The following URB1 variants were observed in gnomAD, a reference collection of about 807,000 sequenced individuals.
URB1 encodes the protein URB1 ribosome biogenesis factor, also known as nucleolar pre-ribosomal-associated protein 1.
URB1 carries 197 observed loss-of-function variants against 242.3 expected under a neutral mutation model. The ratio of observed to expected loss-of-function variants is 0.81; its 90% confidence interval spans 0.72 to 0.91. URB1 has a LOEUF of 0.91. Ranked by LOEUF, URB1 falls within the 40% of genes least tolerant of loss-of-function variation. The pLI, the probability that URB1 is intolerant of heterozygous loss-of-function variation, is 0.00. For synonymous variants in URB1, 1,153 were observed against 1,201.8 expected, an observed-to-expected ratio of 0.96 and a Z score of 0.84; for missense variants, 2,721 against 2,860.5, an observed-to-expected ratio of 0.95 and a Z score of 1.11.
intron 1 of URB1, among the ~76,000 whole-genome samples, chr21:32,387,296 C>T (rs2033593620): frequency 1.3e-5 from 2 of 152,170 alleles, no homozygotes; most frequent in Non-Finnish European, 2.9e-5. Flanking sequence ...ATAAAACTGC[C>T]TTTCAGAGAA....
At position 32,357,562 on chromosome 21, in the gene URB1, G is replaced by T; in HGVS notation, c.1964C>A (p.Ser655Ter). 2 of 1,525,922 alleles carry T rather than the reference G, an allele frequency of 1.3e-6. No homozygotes were observed. The highest frequency in any genetic ancestry group is 1.3e-5 in the South Asian group (1 of 77,802). The allele number at this position is 1,525,922 out of a possible 1,614,324, so 94.5% of individuals were successfully genotyped here. Residue 655 changes from serine (S) to a stop codon, truncating the protein, a stop_gained, in exon 15 of 39, where the codon TCA (serine) becomes TAA (stop). Coordinates refer to ENST00000382751, the MANE Select transcript of URB1 (RefSeq NM_014825.3). LOFTEE classifies it high-confidence loss of function. ...CTTCATGATCAGAAGTTTGGTCAATGACTTCAGTTGTAAATGGCTACTGGT... is the reference window on the plus strand; with the variant it reads ...CTTCATGATCAGAAGTTTGGTCAATTACTTCAGTTGTAAATGGCTACTGGT... ...FVTSSHLQLKSLTKLLIMKIL... is the reference protein window; with the variant it reads ...FVTSSHLQLK
intron 1 of URB1, among the ~76,000 whole-genome samples, chr21:32,388,905 C>G (rs1425810445): frequency 2.6e-5 from 4 of 152,212 alleles, no homozygotes; most frequent in African/African-American, 4.8e-5. Context: ...GGTGCACCTA[C>G]AGGGGGTGCC....
At chr21:32,319,080 C>T in intron 36 of URB1, 137 bp downstream of exon 36, 1 of 775,750 alleles carries the variant, frequency 1.3e-6, no homozygotes, top group Non-Finnish European at 2.0e-6. Flanking sequence ...CACTGGTGCT[C>T]TGCCCCAATC....
chr21:32,382,074 G>A (rs570053511), intron 4 of URB1, among the ~76,000 whole-genome samples: 27 of 152,124 alleles, frequency 1.8e-4, no homozygotes, highest in Admixed American at 8.5e-4. Context: ...GAGATGAAAC[G>A]GCTTGTGTGT....
At chr21:32,333,269 G>A (rs758478110) in intron 30 of URB1, 48 bp downstream of exon 30, 8 of 1,451,712 alleles carry the variant, frequency 5.5e-6, no homozygotes, top group African/African-American at 1.4e-5. Context: ...CCTGACCTCT[G>A]AGAAGTCATG....
intron 32 of URB1, 26 bp from the exon 33 acceptor site, chr21:32,322,610 C>A: frequency 1.3e-6 from 2 of 1,525,204 alleles, no homozygotes; most frequent in South Asian, 2.4e-5. Flanking sequence ...GTCAGTCAGT[C>A]ATGGCAGGCC....
Position 32,347,352 on chromosome 21 carries a change from C to T in URB1, c.3472G>A (p.Val1158Met), listed in dbSNP as rs747130615. 2 of 1,551,256 alleles carry T rather than the reference C, an allele frequency of 1.3e-6. No homozygotes were observed. The highest frequency in any genetic ancestry group is 1.7e-6 in the Non-Finnish European group (2 of 1,146,992). Residue 1158 changes from valine (V) to methionine (M), a missense_variant, in exon 22 of 39, where the codon GTG becomes ATG. Val to Met is a conservative substitution (Grantham distance 21, BLOSUM62 1). Transcript: ENST00000382751. Reference sequence around the variant, plus strand: ...TGGGGGCTGCAGGTCAGCAGCTGCACCAGGGTCTTTCCAAGAGCATTCAGG... The same window carrying T: ...TGGGGGCTGCAGGTCAGCAGCTGCATCAGGGTCTTTCCAAGAGCATTCAGG... Reference protein sequence around the residue: ...RHLNALGKTLVQLLTCSPQDQ... With the variant: ...RHLNALGKTLMQLLTCSPQDQ...
chr21:32,357,211 G>A (rs2033230713), intron 15 of URB1, among the ~76,000 whole-genome samples: 1 of 152,020 alleles, frequency 6.6e-6, no homozygotes, highest in Non-Finnish European at 1.5e-5. Context: ...TGAAAGCCCT[G>A]GATAACGCCA....
At position 32,338,710 on chromosome 21, in the gene URB1, T is replaced by C. The variant is rs2032992637; in HGVS notation, c.4507A>G (p.Lys1503Glu). 7 of 1,550,928 alleles carry C rather than the reference T, an allele frequency of 4.5e-6. No homozygotes were observed. In the South Asian group the frequency reaches 7.1e-5, roughly 16 times the overall value. The change falls in exon 26 of 39, where the codon AAA becomes GAA. Residue 1503 changes from lysine (K) to glutamate (E), a missense_variant. By Grantham distance (56) the Lys-to-Glu change is moderately conservative. Transcript: ENST00000382751. Reference sequence around the variant, plus strand: ...AAGGGCTGGGGTGAGGGGTCACCTTTTACTTGGCTGTCCGGGCTCTCCTCT... The same window carrying C: ...AAGGGCTGGGGTGAGGGGTCACCTTCTACTTGGCTGTCCGGGCTCTCCTCT... ...DGEESPDSQV[K>E]EALVDLMLTV...
Position 32,312,213 on chromosome 21 carries a change from A to G in URB1, c.*2705T>C, listed in dbSNP as rs1243509300. On this transcript the variant is annotated 3_prime_UTR_variant, in exon 39 of 39. Transcript: ENST00000382751. ...AGGTGTTGCTGAGTTTATTGAGCAC[A>G]CCTAGCCTGCTTGCTTACTGCTTAT... The G allele has an allele frequency of 5.5e-6, 8 of 1,457,302 alleles. No individual in the cohort carries two copies. Among genetic ancestry groups the G allele is most frequent in the Non-Finnish European group, 7.2e-6 (8 of 1,107,722 alleles). The allele number at this position is 1,457,302 out of a possible 1,614,324, so 90.3% of individuals were successfully genotyped here. A position where few individuals can be genotyped will look rare whatever the true frequency, so the allele number is the denominator to read the frequency against.
At chr21:32,325,550 T>C (rs2032820183) in intron 30 of URB1, among the ~76,000 whole-genome samples, 161 bp from the exon 31 acceptor site, 1 of 152,192 alleles carries the variant, frequency 6.6e-6, no homozygotes, top group Admixed American at 6.5e-5. Context: ...CTGCTGAAGT[T>C]AGACAAAAAA....
chr21:32,355,497 C>T lies in URB1; in HGVS notation c.2058G>A (p.Glu686=). 1.3e-6 allele frequency: 2 copies of T among 1,551,820 alleles called. No individual in the cohort carries two copies. Among genetic ancestry groups the T allele is most frequent in the South Asian group, 2.4e-5 (2 of 84,064 alleles). ...KELELWLEHL[E]NTMEEDKETV... ...TCTCTTTGTCCTCTTCCATGGTGTT[C>T]TCTAAATGCTCCAGCCAGAGCTCCA... Residue 686 remains glutamate (E), a synonymous_variant, in exon 16 of 39, where the codon GAG becomes GAA. Transcript: ENST00000382751.
chr21:32,371,310 C>T (rs1190791549), intron 8 of URB1, among the ~76,000 whole-genome samples: 5 of 152,192 alleles, frequency 3.3e-5, no homozygotes, highest in Non-Finnish European at 7.3e-5. Context: ...CAGCTTGCTG[C>T]AAAGAGACGC....
intron 4 of URB1, among the ~76,000 whole-genome samples, chr21:32,380,536 A>G (rs2033511648): frequency 6.6e-6 from 1 of 152,190 alleles, no homozygotes; most frequent in African/African-American, 2.4e-5. Context: ...AGTTTTTATG[A>G]AACACTCATT....
chr21:32,373,591 A>G (rs1231139328), intron 7 of URB1, 56 bp downstream of exon 7: 1 of 1,506,854 alleles, frequency 6.6e-7, no homozygotes, highest in Non-Finnish European at 8.9e-7. Flanking sequence ...CCCTCTCCCA[A>G]CCCTGAGGAT....
chr21:32,372,364 C>T (rs1265759442), intron 8 of URB1, 143 bp downstream of exon 8: 9 of 1,157,940 alleles, frequency 7.8e-6, no homozygotes, highest in Non-Finnish European at 1.0e-5. Context: ...TTCTCTGGGA[C>T]TACAACTGTT....
chr21:32,327,131 A>C (rs2032838901), intron 30 of URB1, among the ~76,000 whole-genome samples: 1 of 152,214 alleles, frequency 6.6e-6, no homozygotes, highest in Non-Finnish European at 1.5e-5. Context: ...ATATCATGCA[A>C]GCATCATCAC....
intron 15 of URB1, 30 bp downstream of exon 15, chr21:32,357,507 C>A: frequency 6.8e-7 from 1 of 1,471,644 alleles, no homozygotes; most frequent in Non-Finnish European, 9.0e-7. Flanking sequence ...AAATGCTTTT[C>A]AGAGTTAGAA....
At chr21:32,328,951 T>C (rs1289970503) in intron 30 of URB1, among the ~76,000 whole-genome samples, 2 of 152,152 alleles carry the variant, frequency 1.3e-5, no homozygotes, top group African/African-American at 2.4e-5. Context: ...AGGACAGTTA[T>C]CAAGGATTAA....
Sources: allele counts gnomAD v4.1 joint callset (sites outside exome capture counted in the v4.1 genomes callset), GRCh38; gene constraint gnomAD v4.1.1; transcripts MANE v1.5; gene names NCBI Gene and HGNC (gene_info 2026-07-23, HGNC 2026-07-21).